Variants in CELF3 observed in about 807,000 individuals in gnomAD.
The protein encoded by CELF3 is CUGBP Elav-like family member 3.
In CELF3, 26 loss-of-function variants were observed where a neutral mutation model predicts 59.6. That is an observed-to-expected ratio of 0.44 (90% CI 0.32 to 0.61). The LOEUF is 0.61. Among genes scored for constraint, CELF3 ranks in the 20% least tolerant of loss-of-function variants. The pLI is 0.06. For missense variants in CELF3, 387 were observed against 627.2 expected (o/e 0.62, Z 4.09); for synonymous variants, 245 against 250.7 (o/e 0.98, Z 0.22).
At chr1:151,704,951 G>T (rs780246972) in intron 12 of CELF3, 80 bp downstream of exon 12, 8 of 1,470,352 alleles carry the variant, frequency 5.4e-6, no homozygotes, top group African/African-American at 1.4e-5. Context: ...GAGGACAGGG[G>T]TTGGGGGTGT....
rs1387177346 is a variant in CELF3, at chr1:151,703,335, C to T, written c.*124G>A. 2 of 450,706 alleles carry T rather than the reference C, an allele frequency of 4.4e-6. No individual in the cohort carries two copies. Among genetic ancestry groups the T allele is most frequent in the East Asian group, 7.0e-5 (1 of 14,302 alleles). The allele number at this position is 450,706 out of a possible 1,614,324, so 27.9% of individuals were successfully genotyped here. A position where few individuals can be genotyped will look rare whatever the true frequency, so the allele number is the denominator to read the frequency against. ...CGGTGTCTTGTGCCCCCGGGGGCCA[C>T]GAAGCAGCGTTTGCCCCAGAACCCA... is the stretch of plus-strand genomic sequence containing the variant. On this transcript the variant is annotated 3_prime_UTR_variant, in exon 13 of 13. Coordinates refer to ENST00000290583, the MANE Select transcript of CELF3 (RefSeq NM_007185.7).
At chr1:151,715,746 C>T in intron 1 of CELF3, 130 bp downstream of exon 1, 1 of 1,595,306 alleles carries the variant, frequency 6.3e-7, no homozygotes, top group Non-Finnish European at 8.5e-7. Flanking sequence ...CCTCCATCCA[C>T]TTTCCTCAGG....
intron 1 of CELF3, among the ~76,000 whole-genome samples, chr1:151,715,278 T>G (rs1673383130): frequency 1.3e-5 from 2 of 152,040 alleles, no homozygotes; most frequent in African/African-American, 4.8e-5. Context: ...CGCACAGCCC[T>G]TGGATAGGCC....
rs1054844514 is a variant in CELF3 at position 151,705,520 on chromosome 1, C to A, written c.1270+302G>T. On this transcript the variant is annotated intron_variant, in intron 11 of 12. Transcript: ENST00000290583. This position sits in a 1 kb window ranked among gnomAD's most constrained non-coding sequence, Gnocchi z 5.1. ...AGGAAGACTTTCAAAGATGTGAAGG[C>A]AGCTAAAACCGACTCCCCAAGCCCA... 1.3e-5 allele frequency among the ~76,000 whole-genome samples: 2 copies of A among 152,176 alleles called. No individual in the cohort carries two copies. The highest frequency in any genetic ancestry group is 1.5e-5 in the Non-Finnish European group (1 of 68,024).
chr1:151,704,987 G>T, intron 12 of CELF3, 44 bp downstream of exon 12: 1 of 1,567,428 alleles, frequency 6.4e-7, no homozygotes, highest in Non-Finnish European at 8.7e-7. Context: ...CCTGGCTGCA[G>T]TGTGTGAAGC....
intron 10 of CELF3, 90 bp downstream of exon 10, chr1:151,706,134 G>T (rs528588465): frequency 6.2e-7 from 1 of 1,606,228 alleles, no homozygotes. Context: ...ATCCTGACAC[G>T]TGGGCAAGAG....
Position 151,716,142 on chromosome 1 carries a change from G to T in CELF3, c.-122C>A. 9.8e-7 allele frequency: 1 copy of T among 1,020,394 alleles called. No homozygotes were observed. The highest frequency in any genetic ancestry group is 1.4e-6 in the Non-Finnish European group (1 of 717,486). The allele number at this position is 1,020,394 out of a possible 1,614,324, so 63.2% of individuals were successfully genotyped here. A position where few individuals can be genotyped will look rare whatever the true frequency, so the allele number is the denominator to read the frequency against. On this transcript the variant is annotated 5_prime_UTR_variant, in exon 1 of 13. Coordinates refer to ENST00000290583, the MANE Select transcript of CELF3 (RefSeq NM_007185.7). ...CCCAGCTGGGGCTGGCTTTCCCTTT[G>T]GCCCCCAACCACGCTGCTAAGCAGA...
rs540742732 is a variant in CELF3, at chr1:151,709,505, C to T, written c.278-157G>A. On this transcript the variant is annotated intron_variant, in intron 3 of 12. Coordinates refer to ENST00000290583, the MANE Select transcript of CELF3 (RefSeq NM_007185.7). The surrounding 1 kb of genome is among the most constrained non-coding windows in gnomAD (Gnocchi z 4.9). The stretch of plus-strand genomic sequence containing the variant: ...ATGGTTGGGGAATGGGGTATAGTTG[C>T]AGAGGGTGCTCATCCCAGCTCTGAG... 13 of 1,127,080 alleles carry T rather than the reference C, an allele frequency of 1.2e-5. No homozygotes were observed. Among genetic ancestry groups the T allele is most frequent in the African/African-American group, 7.7e-5 (5 of 65,226 alleles). The allele number at this position is 1,127,080 out of a possible 1,614,324, so 69.8% of individuals were successfully genotyped here. A position where few individuals can be genotyped will look rare whatever the true frequency, so the allele number is the denominator to read the frequency against.
chr1:151,709,403 C>T lies in CELF3; in HGVS notation c.278-55G>A. On this transcript the variant is annotated intron_variant, in intron 3 of 12. Coordinates refer to ENST00000290583, the MANE Select transcript of CELF3 (RefSeq NM_007185.7). The surrounding 1 kb of genome is among the most constrained non-coding windows in gnomAD (Gnocchi z 4.9). ...GTTCAGGGCCTCCTGGCTGCCTTCC[C>T]AGCCCTTCTTCCGCCCTTCCCTGGA... is the stretch of plus-strand genomic sequence containing the variant. The T allele has an allele frequency of 6.2e-7, 1 of 1,610,986 alleles. No homozygotes were observed. Among genetic ancestry groups the T allele is most frequent in the Non-Finnish European group, 8.5e-7 (1 of 1,178,130 alleles).
At position 151,705,700 on chromosome 1, in the gene CELF3, T is replaced by G. The variant is rs981994542; in HGVS notation, c.1270+122A>C. ...GTTGGGTGTGTCAAAATGGCTCTTTTGTACTCTTGGATAATCAGTATTTCA... is the reference window on the plus strand; with the variant it reads ...GTTGGGTGTGTCAAAATGGCTCTTTGGTACTCTTGGATAATCAGTATTTCA... On this transcript the variant is annotated intron_variant, in intron 11 of 12. Transcript: ENST00000290583. This position sits in a 1 kb window ranked among gnomAD's most constrained non-coding sequence, Gnocchi z 5.1. 7.1e-6 allele frequency: 8 copies of G among 1,129,224 alleles called. No individual in the cohort carries two copies. In the African/African-American group the frequency reaches 1.1e-4, roughly 15 times the overall value. 70.0% of individuals were successfully genotyped at this position (1,129,224 alleles called of 1,614,324 possible).
At chr1:151,707,083 C>T in intron 8 of CELF3, 62 bp downstream of exon 8, 1 of 1,422,402 alleles carries the variant, frequency 7.0e-7, no homozygotes, top group Non-Finnish European at 9.2e-7. Flanking sequence ...TGTCCTGCCT[C>T]CCTAATGGGA....
chr1:151,710,168 A>G (rs1051744978), intron 2 of CELF3: 4 of 269,026 alleles, frequency 1.5e-5, no homozygotes, highest in African/African-American at 8.7e-5. Flanking sequence ...AAGTGGGCGC[A>G]ACAGAGGCCA....
In CELF3 at chr1:151,702,919, G is replaced by T. The variant is rs145319850; in HGVS notation, c.*540C>A. 2.4e-4 allele frequency: 73 copies of T among 308,216 alleles called. No individual in the cohort carries two copies. The East Asian group carries it at 5.7e-3, about 24-fold the overall frequency. The allele number at this position is 308,216 out of a possible 1,614,324, so 19.1% of individuals were successfully genotyped here. A position where few individuals can be genotyped will look rare whatever the true frequency, so the allele number is the denominator to read the frequency against. ...ACACCCTCCTTAGAGGGGGCCCTTG[G>T]GGGAGGCAGTGAGTTTTAGGGCTGG... On this transcript the variant is annotated 3_prime_UTR_variant, in exon 13 of 13. Transcript: ENST00000290583.
rs754586578 is a variant in CELF3, at chr1:151,716,064, C to T, written c.-44G>A. On this transcript the variant is annotated 5_prime_UTR_variant, in exon 1 of 13. Coordinates refer to ENST00000290583, the MANE Select transcript of CELF3 (RefSeq NM_007185.7). ...GGGGCCGAGGGGAGCAGGGAGAGGC[C>T]CAAAGGCCAAGGGGAGCTGCCCAGC... 29 of 1,561,708 alleles carry T rather than the reference C, an allele frequency of 1.9e-5. No homozygotes were observed. Among genetic ancestry groups the T allele is most frequent in the Non-Finnish European group, 2.3e-5 (27 of 1,154,114 alleles).
chr1:151,714,497 G>A (rs1673294530), intron 2 of CELF3, 97 bp downstream of exon 2: 2 of 846,248 alleles, frequency 2.4e-6, no homozygotes, highest in Non-Finnish European at 4.0e-6. Flanking sequence ...GTGATGAGAG[G>A]AGGTGGAAAT....
At chr1:151,706,849 C>T in intron 8 of CELF3, 115 bp from the exon 9 acceptor site, 1 of 816,706 alleles carries the variant, frequency 1.2e-6, no homozygotes, top group Non-Finnish European at 1.9e-6. Context: ...CTTCTCTGGG[C>T]ATGGGGTGTG....
chr1:151,704,991 G>T, intron 12 of CELF3, 40 bp downstream of exon 12: 1 of 1,577,356 alleles, frequency 6.3e-7, no homozygotes, highest in East Asian at 2.3e-5. Context: ...GCTGCAGTGT[G>T]TGAAGCTGGG....
At position 151,707,650 on chromosome 1, in the gene CELF3, T is replaced by TG. The variant is rs759062320; in HGVS notation, c.631-3dup. ...CAGGGCCGCCTGCTGCTGCATCAGC[T>TG]GGGGGGAGGGGAGAGGAGAGTGGGG... On this transcript the variant is annotated splice_region_variant and splice_polypyrimidine_tract_variant and intron_variant, in intron 6 of 12. Coordinates refer to ENST00000290583, the MANE Select transcript of CELF3 (RefSeq NM_007185.7). The TG allele has an allele frequency of 8.7e-6, 14 of 1,604,846 alleles. No individual in the cohort carries two copies. The South Asian group carries it at 1.1e-4, about 13-fold the overall frequency.
Position 151,709,444 on chromosome 1 carries a change from T to G in CELF3, c.278-96A>C. On this transcript the variant is annotated intron_variant, in intron 3 of 12. Transcript: ENST00000290583. The surrounding 1 kb of genome is among the most constrained non-coding windows in gnomAD (Gnocchi z 4.9). The stretch of plus-strand genomic sequence containing the variant: ...CTTCCCTGGAGCTCCTAACACTACT[T>G]CTGCTACCCTTAGGGTCCAATGGCT... 1 of 1,539,330 alleles carries G rather than the reference T, an allele frequency of 6.5e-7. No homozygotes were observed. The highest frequency in any genetic ancestry group is 8.9e-7 in the Non-Finnish European group (1 of 1,123,222).
Sources: allele counts gnomAD v4.1 joint callset (sites outside exome capture counted in the v4.1 genomes callset), GRCh38; gene constraint gnomAD v4.1.1; non-coding constraint Gnocchi (gnomAD v3.1); transcripts MANE v1.5; gene names NCBI Gene and HGNC (gene_info 2026-07-23, HGNC 2026-07-21).